The following DEUP1 variants were observed in gnomAD, a reference collection of about 807,000 sequenced individuals.
The protein encoded by DEUP1 is coiled-coil domain containing 67.
A neutral mutation model predicts 87.4 loss-of-function variants in DEUP1; 82 were observed. That is an observed-to-expected ratio of 0.94 (90% confidence interval 0.78 to 1.13). The LOEUF is 1.13. Ranked by LOEUF, DEUP1 falls within the 50% of genes most tolerant of loss-of-function variation. The pLI is 0.00. For synonymous variants in DEUP1, 214 were observed against 222.7 expected (o/e 0.96, Z 0.35); for missense variants, 663 against 681.5 (o/e 0.97, Z 0.30).
At position 93,371,083 on chromosome 11, in the gene DEUP1, T is replaced by C. The variant is rs370568892; in HGVS notation, c.592T>C (p.Cys198Arg). The C allele has an allele frequency of 4.3e-6, 7 of 1,612,342 alleles. No homozygotes were observed. Among genetic ancestry groups the C allele is most frequent in the Non-Finnish European group, 5.9e-6 (7 of 1,178,948 alleles). Residue 198 changes from cysteine to arginine, a missense_variant, in exon 7 of 14, where the codon TGC becomes CGC. Transcript: ENST00000298050. ...AACTCAACTAAATGGTAAAAAACAG[T>C]GCTTAGAAGACAGCAGCTCTGAAAT... ...YQTQLNGKKQ[C>R]LEDSSSEIPR...
Position 93,437,451 on chromosome 11 carries a change from G to A in DEUP1, c.1639-92G>A, listed in dbSNP as rs138302000. The A allele has an allele frequency of 1.5e-4, 137 of 929,074 alleles. No homozygotes were observed. In the East Asian group the frequency reaches 3.5e-3, roughly 24 times the overall value. The allele number at this position is 929,074 out of a possible 1,614,324, so 57.6% of individuals were successfully genotyped here. A position where few individuals can be genotyped will look rare whatever the true frequency, so the allele number is the denominator to read the frequency against. On this transcript the variant is annotated intron_variant, in intron 13 of 13. Transcript: ENST00000298050. ...TCTTTCATTAAGAGCTGCGGTGTTT[G>A]ACAGTATGTCAGGGATGAAGCATGC...
chr11:93,386,952 G>C (rs568909627), intron 8 of DEUP1, among the ~76,000 whole-genome samples: 1 of 152,276 alleles, frequency 6.6e-6, no homozygotes, highest in South Asian at 2.1e-4. Flanking sequence ...TAAGACCCAT[G>C]CTGAATTCCA....
chr11:93,335,958 T>TA (rs1485152958), intron 2 of DEUP1, among the ~76,000 whole-genome samples: 1 of 151,766 alleles, frequency 6.6e-6, no homozygotes, highest in Non-Finnish European at 1.5e-5. Flanking sequence ...CTACTAAAAA[T>TA]AAAAATTAGC....
At chr11:93,351,477 G>C (rs1430771330) in intron 2 of DEUP1, among the ~76,000 whole-genome samples, 2 of 152,092 alleles carry the variant, frequency 1.3e-5, no homozygotes, top group Admixed American at 1.3e-4. Context: ...AGCTTACATT[G>C]ACATAGTTCT....
At position 93,364,190 on chromosome 11, in the gene DEUP1, C is replaced by A; in HGVS notation, c.328C>A (p.Leu110Met). 1 of 1,597,868 alleles carries A rather than the reference C, an allele frequency of 6.3e-7. No homozygotes were observed. The highest frequency in any genetic ancestry group is 8.6e-7 in the Non-Finnish European group (1 of 1,167,944). Residue 110 changes from leucine to methionine, a missense_variant, in exon 5 of 14, where the codon CTG becomes ATG. Leu to Met is a conservative substitution (Grantham distance 15). Transcript: ENST00000298050. ...CAAACTAACAAATAACTTTGAAAAA[C>A]TGAGATTACATCAGATGAAACAAAA... ...FSKLTNNFEK[L>M]RLHQMKQNKV...
chr11:93,374,329 G>A (rs1011651697), intron 7 of DEUP1, among the ~76,000 whole-genome samples: 2 of 152,042 alleles, frequency 1.3e-5, no homozygotes, highest in African/African-American at 4.8e-5. Flanking sequence ...TTGCTTTTGG[G>A]TTCTTGGTCA....
intron 2 of DEUP1, among the ~76,000 whole-genome samples, chr11:93,337,864 C>T (rs1223964252): frequency 1.3e-5 from 2 of 152,150 alleles, no homozygotes; most frequent in East Asian, 3.8e-4. Flanking sequence ...TTTGCACATA[C>T]GTTTCACAGG....
chr11:93,400,520 G>A (rs1028010583), intron 11 of DEUP1, among the ~76,000 whole-genome samples: 2 of 152,052 alleles, frequency 1.3e-5, no homozygotes, highest in Non-Finnish European at 2.9e-5. Context: ...AGTCCTACTG[G>A]ATTGGGGCCC....
intron 11 of DEUP1, among the ~76,000 whole-genome samples, chr11:93,403,415 G>T (rs1421182241): frequency 6.6e-6 from 1 of 151,680 alleles, no homozygotes; most frequent in African/African-American, 2.4e-5. Context: ...GTACTTTGTA[G>T]GTTATTTCAG....
intron 10 of DEUP1, among the ~76,000 whole-genome samples, chr11:93,395,922 G>A (rs1021034424): frequency 3.9e-5 from 6 of 152,160 alleles, no homozygotes; most frequent in African/African-American, 1.2e-4. Context: ...CTTTTAACAT[G>A]TGCTTTTTCT....
intron 7 of DEUP1, among the ~76,000 whole-genome samples, chr11:93,379,022 A>G (rs969759456): frequency 2.0e-5 from 3 of 152,230 alleles, no homozygotes; most frequent in Middle Eastern, 3.4e-3. Context: ...GCTCTGTTCT[A>G]TTTAGTTTGC....
At chr11:93,430,965 A>G (rs978345781) in intron 13 of DEUP1, among the ~76,000 whole-genome samples, 4 of 151,906 alleles carry the variant, frequency 2.6e-5, no homozygotes, top group Admixed American at 2.6e-4. Flanking sequence ...GCGTGGTGGC[A>G]CATGCCTGTA....
intron 9 of DEUP1, among the ~76,000 whole-genome samples, chr11:93,389,908 C>T (rs1481674773): frequency 1.3e-5 from 2 of 152,138 alleles, no homozygotes; most frequent in Non-Finnish European, 2.9e-5. Flanking sequence ...CTAACATGTG[C>T]CAGGAACTCT....
intron 3 of DEUP1, 41 bp downstream of exon 3, chr11:93,355,583 C>T (rs1944856985): frequency 3.3e-6 from 5 of 1,530,508 alleles, no homozygotes; most frequent in Non-Finnish European, 4.5e-6. Context: ...ATTCATCAGA[C>T]TGTTACATAT....
intron 13 of DEUP1, among the ~76,000 whole-genome samples, chr11:93,420,682 A>G (rs1382381115): frequency 3.4e-5 from 5 of 145,614 alleles, no homozygotes; most frequent in Non-Finnish European, 6.0e-5. Flanking sequence ...TCTGCCCAAA[A>G]TCTCCTTAAG....
chr11:93,433,771 G>A (rs1025791959), intron 13 of DEUP1, among the ~76,000 whole-genome samples: 1 of 152,138 alleles, frequency 6.6e-6, no homozygotes, highest in African/African-American at 2.4e-5. Flanking sequence ...GCTAGGGAAG[G>A]GGAGGAAAAT....
chr11:93,381,110 C>A (rs926806874), intron 7 of DEUP1, among the ~76,000 whole-genome samples: 1 of 152,118 alleles, frequency 6.6e-6, no homozygotes, highest in Non-Finnish European at 1.5e-5. Context: ...ATTTTACTCA[C>A]GTTTCATTCT....
intron 9 of DEUP1, among the ~76,000 whole-genome samples, chr11:93,390,898 A>G (rs1655217225): frequency 6.6e-6 from 1 of 152,118 alleles, no homozygotes; most frequent in African/African-American, 2.4e-5. Flanking sequence ...CCTGACCAAC[A>G]TGGTGAAACC....
At chr11:93,395,522 T>C (rs1946915395) in intron 10 of DEUP1, among the ~76,000 whole-genome samples, 1 of 152,220 alleles carries the variant, frequency 6.6e-6, no homozygotes, top group South Asian at 2.1e-4. Flanking sequence ...TGTACCTGTA[T>C]AGGCAGGGAT....
Sources: allele counts gnomAD v4.1 joint callset (sites outside exome capture counted in the v4.1 genomes callset), GRCh38; gene constraint gnomAD v4.1.1; transcripts MANE v1.5; gene names NCBI Gene and HGNC (gene_info 2026-07-23, HGNC 2026-07-21).